The following TACR3 variants were observed in gnomAD, a reference collection of about 807,000 sequenced individuals.
TACR3 encodes the protein tachykinin receptor 3.
In TACR3, 34 loss-of-function variants were observed where a neutral mutation model predicts 35.0. That is an observed-to-expected ratio of 0.97 (90% CI 0.74 to 1.30). The LOEUF (loss-of-function observed/expected upper bound fraction) is 1.30. TACR3 is among the 50% of genes most tolerant of loss of function. The pLI is 0.00. For missense variants in TACR3, 558 were observed against 591.7 expected (o/e 0.94, Z 0.59); for synonymous variants, 233 against 221.1 (o/e 1.05, Z -0.48).
At chr4:103,705,954 G>A (rs1722777491) in intron 1 of TACR3, among the ~76,000 whole-genome samples, 1 of 152,128 alleles carries the variant, frequency 6.6e-6, no homozygotes, top group South Asian at 2.1e-4. Flanking sequence ...TCTCATGTAT[G>A]TTTTGAAAAC....
intron 3 of TACR3, among the ~76,000 whole-genome samples, chr4:103,639,738 G>T (rs1725305592): frequency 1.3e-5 from 2 of 151,870 alleles, no homozygotes; most frequent in South Asian, 4.1e-4. Flanking sequence ...GACTTTCTGG[G>T]TTCAAATCCT....
intron 1 of TACR3, among the ~76,000 whole-genome samples, chr4:103,669,439 G>A (rs1726005602): frequency 6.6e-6 from 1 of 152,086 alleles, no homozygotes; most frequent in Non-Finnish European, 1.5e-5. Flanking sequence ...TTTTCTAGCA[G>A]CTGTACTAAT....
chr4:103,663,940 C>T (rs1158929738), intron 1 of TACR3, among the ~76,000 whole-genome samples: 1 of 152,172 alleles, frequency 6.6e-6, no homozygotes, highest in Non-Finnish European at 1.5e-5. Flanking sequence ...TATGTGATTA[C>T]ATCAGCTTTT....
intron 1 of TACR3, among the ~76,000 whole-genome samples, chr4:103,702,329 T>C (rs1470150007): frequency 6.6e-6 from 1 of 152,000 alleles, no homozygotes. Flanking sequence ...ATCAGAGAAA[T>C]GCAAATCAAA....
intron 3 of TACR3, among the ~76,000 whole-genome samples, chr4:103,598,666 A>C (rs1414339553): frequency 6.6e-6 from 1 of 152,166 alleles, no homozygotes; most frequent in Admixed American, 6.6e-5. Context: ...TCAGCTTTCT[A>C]CATATGGCTA....
intron 1 of TACR3, among the ~76,000 whole-genome samples, chr4:103,691,467 A>T (rs542577084): frequency 3.4e-4 from 52 of 152,286 alleles, no homozygotes; most frequent in Non-Finnish European, 6.3e-4. Flanking sequence ...TGTGAATACA[A>T]ATAAGAGCAT....
intron 1 of TACR3, among the ~76,000 whole-genome samples, chr4:103,684,522 A>G (rs1298503071): frequency 6.6e-6 from 1 of 152,176 alleles, no homozygotes; most frequent in Non-Finnish European, 1.5e-5. Context: ...CATGATGAAA[A>G]CTGCAAAATA....
At chr4:103,599,098 C>T (rs1724121395) in intron 3 of TACR3, among the ~76,000 whole-genome samples, 1 of 152,088 alleles carries the variant, frequency 6.6e-6, no homozygotes, top group Non-Finnish European at 1.5e-5. Context: ...ATGGAATGTT[C>T]TTCCATTTGT....
intron 1 of TACR3, among the ~76,000 whole-genome samples, chr4:103,698,503 A>T (rs1722576673): frequency 6.6e-6 from 1 of 151,968 alleles, no homozygotes; most frequent in Non-Finnish European, 1.5e-5. Flanking sequence ...TTAAAATTTA[A>T]TATTAGCAAC....
At chr4:103,697,342 G>T (rs188818267) in intron 1 of TACR3, among the ~76,000 whole-genome samples, 1 of 152,064 alleles carries the variant, frequency 6.6e-6, no homozygotes, top group South Asian at 2.1e-4. Flanking sequence ...TTAATATGAC[G>T]TGGTAACTGA....
At chr4:103,657,492 A>C (rs181708453) in intron 2 of TACR3, among the ~76,000 whole-genome samples, 1 of 152,118 alleles carries the variant, frequency 6.6e-6, no homozygotes, top group African/African-American at 2.4e-5. Context: ...AAAGGTAGAT[A>C]AAATGACTGC....
chr4:103,716,742 G>A (rs1309400661), intron 1 of TACR3, among the ~76,000 whole-genome samples: 1 of 152,116 alleles, frequency 6.6e-6, no homozygotes, highest in Non-Finnish European at 1.5e-5. Flanking sequence ...TTAGGCACAG[G>A]AACAAAGCGA....
Position 103,719,962 on chromosome 4 carries a change from C to G in TACR3, c.-287G>C. On this transcript the variant is annotated 5_prime_UTR_variant, in exon 1 of 5. Coordinates refer to ENST00000304883, the MANE Select transcript of TACR3 (RefSeq NM_001059.3). ...ACATCACACGTAGGGAGGGTGCCAG[C>G]TGCCCGGCACAGGCTGGAGAACTGA... 3 of 539,486 alleles carry G rather than the reference C, an allele frequency of 5.6e-6. No homozygotes were observed. The South Asian group carries it at 7.4e-5, about 13-fold the overall frequency. The allele number at this position is 539,486 out of a possible 1,614,324, so 33.4% of individuals were successfully genotyped here. A position where few individuals can be genotyped will look rare whatever the true frequency, so the allele number is the denominator to read the frequency against.
chr4:103,598,452 G>C (rs1447670738), intron 3 of TACR3, among the ~76,000 whole-genome samples: 1 of 152,190 alleles, frequency 6.6e-6, no homozygotes, highest in African/African-American at 2.4e-5. Flanking sequence ...AAGCTCTTTA[G>C]ATTACTTAGA....
intron 1 of TACR3, among the ~76,000 whole-genome samples, chr4:103,659,927 G>A (rs1004869293): frequency 2.6e-5 from 4 of 151,900 alleles, no homozygotes; most frequent in South Asian, 2.1e-4. Flanking sequence ...AATAAAACAC[G>A]ATCTTTATGT....
intron 1 of TACR3, among the ~76,000 whole-genome samples, chr4:103,663,997 A>G (rs1725887227): frequency 6.6e-6 from 1 of 152,200 alleles, no homozygotes; most frequent in African/African-American, 2.4e-5. Context: ...CCTTCACCAG[A>G]TTCTTAAAGA....
intron 1 of TACR3, among the ~76,000 whole-genome samples, chr4:103,686,210 C>T (rs1722232994): frequency 6.6e-6 from 1 of 152,128 alleles, no homozygotes; most frequent in African/African-American, 2.4e-5. Flanking sequence ...AGGAAAAAGT[C>T]TTAAGAGATA....
chr4:103,591,709 A>C (rs1417042122), intron 3 of TACR3, 26 bp from the exon 4 acceptor site: 1 of 1,583,816 alleles, frequency 6.3e-7, no homozygotes, highest in Admixed American at 1.8e-5. Flanking sequence ...GTCATTTTTG[A>C]CAAATATAAT....
rs1394785412 is a variant in TACR3, at chr4:103,589,824, T to G, written c.1256A>C (p.Asp419Ala). The stretch of plus-strand genomic sequence containing the variant: ...TTTCTTCCGACTGGACCTGGTGGTG[T>G]CTGCATCGTTGGGGTCAAACACGAC... ...MTVVFDPNDADTTRSSRKKRA... is the reference protein window; with the variant it reads ...MTVVFDPNDAATTRSSRKKRA... Residue 419 changes from aspartate to alanine, a missense_variant, in exon 5 of 5, where the codon GAC becomes GCC. Asp to Ala is a moderately radical substitution (Grantham distance 126, BLOSUM62 -2). Coordinates refer to ENST00000304883, the MANE Select transcript of TACR3 (RefSeq NM_001059.3). The G allele has an allele frequency of 6.2e-7, 1 of 1,613,950 alleles. No individual in the cohort carries two copies. Among genetic ancestry groups the G allele is most frequent in the Admixed American group, 1.7e-5 (1 of 60,000 alleles).
Sources: allele counts gnomAD v4.1 joint callset (sites outside exome capture counted in the v4.1 genomes callset), GRCh38; gene constraint gnomAD v4.1.1; transcripts MANE v1.5; gene names NCBI Gene and HGNC (gene_info 2026-07-23, HGNC 2026-07-21).